The following EYS variants were observed in gnomAD, a reference collection of about 807,000 sequenced individuals.
The protein encoded by EYS is EGF-like photoreceptor maintenance factor, also known as protein eyes shut homolog.
EYS carries 250 observed loss-of-function variants against 282.1 expected under a neutral mutation model. That is an observed-to-expected ratio of 0.89 (90% CI 0.80 to 0.98). The LOEUF (loss-of-function observed/expected upper bound fraction) is 0.98. EYS is among the 50% of genes least tolerant of loss of function. The pLI is 0.00. For missense variants in EYS, 4,016 were observed against 3,709.0 expected, an observed-to-expected ratio of 1.08 and a Z score of -2.15; for synonymous variants, 1,355 against 1,282.9, an observed-to-expected ratio of 1.06 and a Z score of -1.20.
intron 22 of EYS, among the ~76,000 whole-genome samples, chr6:64,783,438 G>C (rs907074811): frequency 1.3e-5 from 2 of 151,644 alleles, no homozygotes; most frequent in Non-Finnish European, 2.9e-5. Context: ...TACTGCCATG[G>C]GGAAGGCGGA....
chr6:65,560,313 T>C (rs1041666705), intron 2 of EYS, among the ~76,000 whole-genome samples: 1 of 127,054 alleles, frequency 7.9e-6, no homozygotes, highest in African/African-American at 3.9e-5. Context: ...ATATATAATA[T>C]ATTATTAATA....
chr6:64,119,368 T>A (rs1348874309), intron 31 of EYS, among the ~76,000 whole-genome samples: 3 of 152,214 alleles, frequency 2.0e-5, no homozygotes, highest in Non-Finnish European at 1.5e-5. Flanking sequence ...TTGAATTTCA[T>A]GCAACTTCCT....
At chr6:64,323,434 G>T (rs992410466) in intron 29 of EYS, among the ~76,000 whole-genome samples, 7 of 151,972 alleles carry the variant, frequency 4.6e-5, no homozygotes, top group Admixed American at 2.0e-4. Flanking sequence ...ATTCGCCTTT[G>T]GGTTGTTTCC....
At chr6:64,678,712 C>T (rs1449296534) in intron 22 of EYS, among the ~76,000 whole-genome samples, 1 of 152,124 alleles carries the variant, frequency 6.6e-6, no homozygotes, top group Non-Finnish European at 1.5e-5. Context: ...GAGGCCTGCA[C>T]AGTGGCTCTC....
In EYS at chr6:64,825,792, A is replaced by G. The variant is rs541229412; in HGVS notation, c.2993-2970T>C. Among the ~76,000 whole-genome samples, 44 of 151,938 alleles carry G rather than the reference A, an allele frequency of 2.9e-4. 1 individual carries two copies. Among genetic ancestry groups the G allele is most frequent in the South Asian group, 1.2e-3 (6 of 4,820 alleles). On this transcript the variant is annotated intron_variant, in intron 19 of 42. Coordinates refer to ENST00000503581, the MANE Select transcript of EYS (RefSeq NM_001142800.2). ...GGAGGGTCTTGGACTTTGGTTCACA[A>G]TGATCTCCCACAAATAATTACCAAC... is the stretch of plus-strand genomic sequence containing the variant.
chr6:65,676,278 A>G (rs1193634443), intron 1 of EYS, among the ~76,000 whole-genome samples: 12 of 151,856 alleles, frequency 7.9e-5, no homozygotes, highest in Non-Finnish European at 1.8e-4. Flanking sequence ...AAAAATCAAC[A>G]AAAATAAGAA....
At chr6:63,919,282 G>A (rs146873561) in intron 35 of EYS, among the ~76,000 whole-genome samples, 65 of 151,194 alleles carry the variant, frequency 4.3e-4, no homozygotes, top group African/African-American at 1.4e-3. Context: ...GCTCAGGGGC[G>A]GGGAAGAAGG....
chr6:65,074,678 A>G (rs1352603875), intron 12 of EYS, among the ~76,000 whole-genome samples: 5 of 152,190 alleles, frequency 3.3e-5, no homozygotes, highest in Admixed American at 2.6e-4. Flanking sequence ...GCATCAGATC[A>G]TAGCAGAGAA....
intron 22 of EYS, among the ~76,000 whole-genome samples, chr6:64,670,497 C>G (rs765377080): frequency 6.6e-6 from 1 of 151,916 alleles, no homozygotes; most frequent in Non-Finnish European, 1.5e-5. Flanking sequence ...AACCGTGTTA[C>G]GTTTGACCTT....
chr6:63,786,315 A>G (rs1770360073), intron 39 of EYS: 1 of 152,164 alleles, frequency 6.6e-6, no homozygotes, highest in South Asian at 2.1e-4. Flanking sequence ...AATTCTAAGG[A>G]CAAATGTGAT....
chr6:65,676,637 G>T (rs1392558765), intron 1 of EYS, among the ~76,000 whole-genome samples: 1 of 151,714 alleles, frequency 6.6e-6, no homozygotes, highest in African/African-American at 2.4e-5. Context: ...TATGTAGAGA[G>T]GAATTAATGT....
intron 36 of EYS, among the ~76,000 whole-genome samples, chr6:63,856,759 G>A (rs964584875): frequency 6.6e-6 from 1 of 152,002 alleles, no homozygotes; most frequent in Non-Finnish European, 1.5e-5. Context: ...TATTTCTTTG[G>A]ATTAAAAAAT....
At chr6:64,692,252 T>C (rs1304211773) in intron 22 of EYS, among the ~76,000 whole-genome samples, 1 of 152,208 alleles carries the variant, frequency 6.6e-6, no homozygotes, top group Non-Finnish European at 1.5e-5. Flanking sequence ...TGTTTAGTGA[T>C]GCTAAGCATT....
intron 9 of EYS, among the ~76,000 whole-genome samples, chr6:65,345,869 G>T (rs1007411680): frequency 1.3e-5 from 2 of 151,274 alleles, no homozygotes; most frequent in African/African-American, 4.9e-5. Context: ...CAAATGAGGG[G>T]ATATAATTAT....
intron 12 of EYS, among the ~76,000 whole-genome samples, chr6:65,226,974 C>T (rs986176801): frequency 6.6e-6 from 1 of 152,062 alleles, no homozygotes; most frequent in Admixed American, 6.6e-5. Flanking sequence ...GTGGCTCACG[C>T]CTGTAATCCC....
chr6:64,039,706 G>T (rs914773844), intron 33 of EYS, among the ~76,000 whole-genome samples: 4 of 152,156 alleles, frequency 2.6e-5, no homozygotes, highest in Admixed American at 2.6e-4. Context: ...TTTATGAAAT[G>T]AATGTGTGGT....
intron 12 of EYS, among the ~76,000 whole-genome samples, chr6:65,267,010 A>AGC (rs1562060568): frequency 4.0e-5 from 6 of 150,118 alleles, no homozygotes; most frequent in African/African-American, 1.5e-4. Context: ...AGAGAGAGAG[A>AGC]TCACACATGT....
intron 39 of EYS, among the ~76,000 whole-genome samples, chr6:63,781,499 C>T (rs1008296221): frequency 6.6e-6 from 1 of 152,086 alleles, no homozygotes; most frequent in South Asian, 2.1e-4. Context: ...GTATTTTACT[C>T]TCTTTGAAGC....
At chr6:64,079,679 C>T (rs1019828127) in intron 32 of EYS, among the ~76,000 whole-genome samples, 5 of 152,164 alleles carry the variant, frequency 3.3e-5, no homozygotes, top group Non-Finnish European at 4.4e-5. Context: ...CCTATTAACT[C>T]GTCATTTACA....
Sources: gnomAD v4.1 joint callset for allele counts (sites outside exome capture counted in the v4.1 genomes callset) on GRCh38, gnomAD v4.1.1 for gene constraint, MANE v1.5 for transcripts, NCBI Gene and HGNC (gene_info 2026-07-23, HGNC 2026-07-21) for gene names.